The following ZNF729 variants were observed in gnomAD, a reference collection of about 807,000 sequenced individuals.
The protein encoded by ZNF729 is zinc finger protein 729.
A neutral mutation model predicts 12.2 loss-of-function variants in ZNF729; 15 were observed. That is an observed-to-expected ratio of 1.23 (90% confidence interval 0.82 to 1.89). The LOEUF (loss-of-function observed/expected upper bound fraction) is 1.89, where lower values mean the gene tolerates loss of function less well. Among genes scored for constraint, ZNF729 ranks in the 40% most tolerant of loss-of-function variants. The pLI, the probability that ZNF729 is intolerant of heterozygous loss-of-function variation, is 0.00. For synonymous variants in ZNF729, 492 were observed against 476.3 expected, an observed-to-expected ratio of 1.03 and a Z score of -0.43; for missense variants, 1,540 against 1,456.7, an observed-to-expected ratio of 1.06 and a Z score of -0.93.
At position 22,286,535 on chromosome 19, in the gene ZNF729, G is replaced by C; in HGVS notation, c.10G>C (p.Ala4Pro). The C allele has an allele frequency of 6.2e-7, 1 of 1,613,798 alleles. No homozygotes were observed. The highest frequency in any genetic ancestry group is 8.5e-7 in the Non-Finnish European group (1 of 1,179,982). ...AAGATCCACAGCTAACATGCCAGGTGCCCCTGGCAGCCTAGAAATGGTGAG... is the reference window on the plus strand; with the variant it reads ...AAGATCCACAGCTAACATGCCAGGTCCCCCTGGCAGCCTAGAAATGGTGAG... MPGAPGSLEMGPLT... is the reference protein window; with the variant it reads MPGPPGSLEMGPLT... Residue 4 changes from alanine to proline, a missense_variant, in exon 1 of 4, where the codon GCC (alanine) becomes CCC (proline). Transcript: ENST00000601693.
chr19:22,303,831 A>G lies in ZNF729; in HGVS notation c.104A>G (p.Gln35Arg), dbSNP rs1968346357. The change falls in exon 2 of 4, where the codon CAG becomes CGG. Residue 35 changes from glutamine to arginine, a missense_variant. Transcript: ENST00000601693. ...TGGCAATGCCTGGACACGGTTCAGC[A>G]GAATTTATATAGGGATGTGATGTTA... is the stretch of plus-strand genomic sequence containing the variant. ...EEWQCLDTVQ[Q>R]NLYRDVMLEN... 2 of 1,576,034 alleles carry G rather than the reference A, an allele frequency of 1.3e-6. No individual in the cohort carries two copies. Among genetic ancestry groups the G allele is most frequent in the African/African-American group, 2.7e-5 (2 of 73,922 alleles).
At chr19:22,312,760 C>G (rs1433048396) in intron 3 of ZNF729, among the ~76,000 whole-genome samples, 1 of 152,110 alleles carries the variant, frequency 6.6e-6, no homozygotes, top group African/African-American at 2.4e-5. Flanking sequence ...TTTGCCCAGG[C>G]TGGAGTGCGA....
In ZNF729 at chr19:22,311,809, T is replaced by C. The variant is rs544134829; in HGVS notation, c.254-1862T>C. On this transcript the variant is annotated intron_variant, in intron 3 of 3. Transcript: ENST00000601693. ...TAGAGTATTGAAGTCCTCACTATTA[T>C]TGTGTTGGTGTCTATCTCATTTATT... Among the ~76,000 whole-genome samples, 13 of 152,234 alleles carry C rather than the reference T, an allele frequency of 8.5e-5. No individual in the cohort carries two copies. The South Asian group carries it at 2.5e-3, about 29-fold the overall frequency.
intron 1 of ZNF729, among the ~76,000 whole-genome samples, chr19:22,300,492 A>G (rs1968290327): frequency 6.6e-6 from 1 of 152,208 alleles, no homozygotes; most frequent in African/African-American, 2.4e-5. Flanking sequence ...TATAAATATA[A>G]GGTGCCACCC....
chr19:22,311,535 T>C (rs1968449719), intron 3 of ZNF729, among the ~76,000 whole-genome samples: 2 of 152,206 alleles, frequency 1.3e-5, no homozygotes, highest in South Asian at 4.1e-4. Context: ...TCCACTTTTA[T>C]TCCACTGTGG....
intron 1 of ZNF729, among the ~76,000 whole-genome samples, chr19:22,287,648 T>G (rs1291345913): frequency 1.3e-5 from 2 of 151,376 alleles, no homozygotes; most frequent in African/African-American, 4.9e-5. Context: ...TTCTTAATTA[T>G]TTTCACACTC....
chr19:22,303,024 C>G (rs1408755211), intron 1 of ZNF729, among the ~76,000 whole-genome samples: 1 of 152,202 alleles, frequency 6.6e-6, no homozygotes, highest in Non-Finnish European at 1.5e-5. Flanking sequence ...ATCCACCCAC[C>G]TCAGCCTCCC....
At position 22,315,154 on chromosome 19, in the gene ZNF729, A is replaced by G; in HGVS notation, c.1737A>G (p.Lys579=). Residue 579 remains lysine, a synonymous_variant, in exon 4 of 4, where the codon AAA becomes AAG. Transcript: ENST00000601693. ...EKPCKCEECG[K]AFKHFSALRK... ...CCTGCAAATGTGAAGAATGTGGCAA[A>G]GCTTTTAAGCATTTCTCAGCCCTCA... The G allele has an allele frequency of 6.2e-7, 1 of 1,611,644 alleles. No individual in the cohort carries two copies. The highest frequency in any genetic ancestry group is 8.5e-7 in the Non-Finnish European group (1 of 1,179,668).
In ZNF729 at chr19:22,316,567, T is replaced by G. The variant is rs1968545869; in HGVS notation, c.3150T>G (p.Cys1050Trp). 1.2e-6 allele frequency: 2 copies of G among 1,613,424 alleles called. No individual in the cohort carries two copies. Among genetic ancestry groups the G allele is most frequent in the African/African-American group, 1.3e-5 (1 of 74,886 alleles). Residue 1050 changes from cysteine (C) to tryptophan (W), a missense_variant, in exon 4 of 4, where the codon TGT becomes TGG. Transcript: ENST00000601693. ...ATACTGGGGAGAAACCCTACAAATG[T>G]GAAGAATGTGGTAAAGCTTTTAAGT... ...IIHTGEKPYK[C>W]EECGKAFKWS...
At chr19:22,313,213 G>A (rs1022158471) in intron 3 of ZNF729, among the ~76,000 whole-genome samples, 7 of 152,022 alleles carry the variant, frequency 4.6e-5, no homozygotes, top group Non-Finnish European at 8.8e-5. Flanking sequence ...CACCACATCT[G>A]GCTAATTTTT....
intron 1 of ZNF729, among the ~76,000 whole-genome samples, chr19:22,290,120 A>G (rs1474679404): frequency 6.6e-6 from 1 of 152,226 alleles, no homozygotes; most frequent in Non-Finnish European, 1.5e-5. Flanking sequence ...AGCTAAGGCT[A>G]ATACTGAGCC....
intron 3 of ZNF729, among the ~76,000 whole-genome samples, chr19:22,309,914 A>C (rs1461515868): frequency 6.8e-6 from 1 of 147,812 alleles, no homozygotes; most frequent in Non-Finnish European, 1.5e-5. Context: ...CCTTGTAGAG[A>C]TCTTTTACCT....
rs1200563460 is a variant in ZNF729 at position 22,314,765 on chromosome 19, CAT to C, written c.1350_1351del (p.His450GlnfsTer13). 2 of 1,613,424 alleles carry C rather than the reference CAT, an allele frequency of 1.2e-6. No homozygotes were observed. Among genetic ancestry groups the C allele is most frequent in the Non-Finnish European group, 1.7e-6 (2 of 1,179,880 alleles). ...AFNSSSTLMK[H>X]KIIHTGEKPY... The stretch of plus-strand genomic sequence containing the variant: ...TAACAGTTCCTCAACCCTTATGAAA[CAT>C]AAGATAATTCATACTGGGGAGAAAC... On this transcript the variant is annotated frameshift_variant, in exon 4 of 4. Transcript: ENST00000601693. LOFTEE classifies it low-confidence loss of function (END_TRUNC).
chr19:22,294,709 T>C (rs531150056), intron 1 of ZNF729, among the ~76,000 whole-genome samples: 30 of 144,716 alleles, frequency 2.1e-4, no homozygotes, highest in Non-Finnish European at 3.9e-4. Flanking sequence ...CAGGATGGAG[T>C]GCAATGGCAC....
chr19:22,316,619 G>C lies in ZNF729; in HGVS notation c.3202G>C (p.Val1068Leu). 1 of 1,606,930 alleles carries C rather than the reference G, an allele frequency of 6.2e-7. No homozygotes were observed. Among genetic ancestry groups the C allele is most frequent in the Non-Finnish European group, 8.5e-7 (1 of 1,177,824 alleles). ...GTCCTCAAAACTTACTGAACATAAG[G>C]TAATTCATACTGGAGAGAAACCCTG... ...KWSSKLTEHK[V>L]IHTGEKPCKC... Residue 1068 changes from valine to leucine, a missense_variant, in exon 4 of 4, where the codon GTA becomes CTA. Transcript: ENST00000601693.
intron 3 of ZNF729, among the ~76,000 whole-genome samples, chr19:22,305,556 T>A (rs1488299924): frequency 3.3e-5 from 5 of 152,080 alleles, no homozygotes; most frequent in Non-Finnish European, 5.9e-5. Flanking sequence ...TCCTGGTAAA[T>A]TGACCCATAT....
chr19:22,301,507 C>T (rs1968304073), intron 1 of ZNF729, among the ~76,000 whole-genome samples: 1 of 152,384 alleles, frequency 6.6e-6, no homozygotes, highest in African/African-American at 2.4e-5. Flanking sequence ...GGAATCTGCA[C>T]ATAAGATCTG....
intron 2 of ZNF729, among the ~76,000 whole-genome samples, chr19:22,304,321 G>A (rs1482600338): frequency 6.6e-6 from 1 of 152,142 alleles, no homozygotes; most frequent in Non-Finnish European, 1.5e-5. Context: ...TTACAGGCGT[G>A]AGCCACCGTG....
intron 1 of ZNF729, among the ~76,000 whole-genome samples, chr19:22,288,682 T>C (rs890041930): frequency 1.3e-5 from 2 of 152,162 alleles, no homozygotes; most frequent in African/African-American, 2.4e-5. Context: ...CTTCCAATTA[T>C]TGAAGACCCA....
Sources: gnomAD v4.1 joint callset for allele counts (sites outside exome capture counted in the v4.1 genomes callset) on GRCh38, gnomAD v4.1.1 for gene constraint, MANE v1.5 for transcripts, NCBI Gene and HGNC (gene_info 2026-07-23, HGNC 2026-07-21) for gene names.